DCLK1: variants seen among roughly 807,000 people sequenced by gnomAD.
DCLK1 encodes doublecortin like kinase 1.
A neutral mutation model predicts 86.2 loss-of-function variants in DCLK1; 16 were observed. That is an observed-to-expected ratio of 0.19 (90% confidence interval 0.13 to 0.28). DCLK1 has a LOEUF of 0.28. Among genes scored for constraint, DCLK1 ranks in the 10% least tolerant of loss-of-function variants. The probability of loss-of-function intolerance (pLI) is 1.00; values close to 1 mark genes in which losing one functional copy is unlikely to be tolerated. For missense variants in DCLK1, 590 were observed against 940.2 expected (o/e 0.63, Z 4.87); for synonymous variants, 369 against 370.5 (o/e 1.00, Z 0.05).
chr13:36,016,685 T>A (rs1479984806), intron 3 of DCLK1, among the ~76,000 whole-genome samples: 2 of 152,254 alleles, frequency 1.3e-5, no homozygotes, highest in East Asian at 3.9e-4. Context: ...CCTCGAACAA[T>A]AGAAACATAA....
chr13:35,938,134 A>C (rs1876865979), intron 4 of DCLK1, among the ~76,000 whole-genome samples: 1 of 152,174 alleles, frequency 6.6e-6, no homozygotes, highest in Non-Finnish European at 1.5e-5. Context: ...AGAGAAGATG[A>C]GGAAAGATAT....
chr13:35,888,460 C>T (rs1873429978), intron 4 of DCLK1, among the ~76,000 whole-genome samples: 1 of 152,220 alleles, frequency 6.6e-6, no homozygotes, highest in Non-Finnish European at 1.5e-5. Context: ...TTCCCTTAAA[C>T]CTATTTGAAG....
chr13:35,846,890 G>C (rs1870217662), intron 6 of DCLK1: 1 of 985,138 alleles, frequency 1.0e-6, no homozygotes, highest in African/African-American at 1.7e-5. Flanking sequence ...ACAGTTTAGA[G>C]TTTTGAAAGA....
At chr13:36,041,915 T>C (rs1882714506) in intron 3 of DCLK1, among the ~76,000 whole-genome samples, 2 of 152,208 alleles carry the variant, frequency 1.3e-5, no homozygotes, top group African/African-American at 2.4e-5. Context: ...AAATTCATTC[T>C]CTCAAAAATG....
intron 3 of DCLK1, among the ~76,000 whole-genome samples, chr13:35,999,822 C>T (rs781288200): frequency 1.3e-5 from 2 of 152,144 alleles, no homozygotes; most frequent in African/African-American, 4.8e-5. Flanking sequence ...ATGATGCTTG[C>T]GGTCTGCTGA....
At chr13:35,925,724 T>G (rs780077765) in intron 4 of DCLK1, among the ~76,000 whole-genome samples, 8 of 152,222 alleles carry the variant, frequency 5.3e-5, no homozygotes, top group Non-Finnish European at 8.8e-5. Context: ...GTTGTTTTTA[T>G]TTTTATTCTT....
chr13:36,020,007 C>T (rs900511040), intron 3 of DCLK1, among the ~76,000 whole-genome samples: 4 of 152,108 alleles, frequency 2.6e-5, no homozygotes, highest in African/African-American at 9.7e-5. Flanking sequence ...AGTGAGTTCT[C>T]GTTTTATTAG....
intron 3 of DCLK1, among the ~76,000 whole-genome samples, chr13:35,967,528 T>C (rs890661992): frequency 6.6e-6 from 1 of 152,110 alleles, no homozygotes; most frequent in African/African-American, 2.4e-5. Context: ...AACCTTACCC[T>C]CAACCCCGTG....
chr13:35,774,301 G>T lies in DCLK1; in HGVS notation c.*234C>A, dbSNP rs2086382868. ...TAAGTTTAAAAAAAAATTGCAAATT[G>T]GCCTTAACCCTTTGAGGACTCTATT... On this transcript the variant is annotated 3_prime_UTR_variant, in exon 17 of 17. Coordinates refer to ENST00000360631, the MANE Select transcript of DCLK1 (RefSeq NM_001330071.2). 2.0e-6 allele frequency: 1 copy of T among 493,654 alleles called. No homozygotes were observed. Among genetic ancestry groups the T allele is most frequent in the Non-Finnish European group, 3.5e-6 (1 of 287,218 alleles). The allele number at this position is 493,654 out of a possible 1,614,324, so 30.6% of individuals were successfully genotyped here. A position where few individuals can be genotyped will look rare whatever the true frequency, so the allele number is the denominator to read the frequency against.
At chr13:36,105,812 T>C (rs1247853971) in intron 3 of DCLK1, among the ~76,000 whole-genome samples, 1 of 152,164 alleles carries the variant, frequency 6.6e-6, no homozygotes, top group African/African-American at 2.4e-5. Context: ...AATTTTTTTG[T>C]TTGTTTGTTG....
intron 3 of DCLK1, among the ~76,000 whole-genome samples, chr13:36,022,526 CTT>C (rs1340396270): frequency 6.6e-6 from 1 of 151,240 alleles, no homozygotes; most frequent in African/African-American, 2.4e-5. Flanking sequence ...GAAAAAAAAA[CTT>C]ATTGAGAAAA....
chr13:35,840,165 G>T (rs1262526153), intron 6 of DCLK1, among the ~76,000 whole-genome samples: 2 of 152,002 alleles, frequency 1.3e-5, no homozygotes, highest in Admixed American at 6.6e-5. Flanking sequence ...ATGAAGAGGT[G>T]GCGAGAAGCA....
chr13:36,055,949 T>TA (rs1555359453), intron 3 of DCLK1, among the ~76,000 whole-genome samples: 1 of 152,140 alleles, frequency 6.6e-6, no homozygotes, highest in East Asian at 1.9e-4. Context: ...TGGTTTTGAT[T>TA]AAAAAGTCAG....
At position 35,871,207 on chromosome 13, in the gene DCLK1, C is replaced by A; in HGVS notation, c.940+17G>T. On this transcript the variant is annotated intron_variant, in intron 5 of 16. Coordinates refer to ENST00000360631, the MANE Select transcript of DCLK1 (RefSeq NM_001330071.2). ...AGGAACAAGGCAATTTCTTCAAAAT[C>A]CCCTCTGCTGCTTTACCTGAGCTGG... The A allele has an allele frequency of 6.2e-7, 1 of 1,602,432 alleles. No homozygotes were observed. Among genetic ancestry groups the A allele is most frequent in the Non-Finnish European group, 8.5e-7 (1 of 1,170,298 alleles).
intron 4 of DCLK1, among the ~76,000 whole-genome samples, chr13:35,944,959 T>G (rs1239377179): frequency 6.6e-6 from 1 of 152,172 alleles, no homozygotes; most frequent in African/African-American, 2.4e-5. Context: ...TGGAGTGCAA[T>G]GGTGCGATCT....
intron 4 of DCLK1, among the ~76,000 whole-genome samples, chr13:35,939,229 C>T (rs1042389300): frequency 6.6e-6 from 1 of 152,122 alleles, no homozygotes; most frequent in African/African-American, 2.4e-5. Flanking sequence ...GTATTCGGAA[C>T]ACAAAACAGA....
chr13:35,913,296 GATAAGGAAGATAATGGTAT>G (rs137970323), intron 4 of DCLK1, among the ~76,000 whole-genome samples: 2,157 of 152,300 alleles, frequency 0.014, 22 homozygotes, highest in South Asian at 0.032. Context: ...ATACTTAAAA[GATAAGGAAGATAATGGTAT>G]ATTCTTTCAC....
intron 11 of DCLK1, among the ~76,000 whole-genome samples, chr13:35,819,675 T>A (rs1375118307): frequency 6.6e-6 from 1 of 152,130 alleles, no homozygotes. Flanking sequence ...CAAATCTTTA[T>A]ATTAACTTTA....
chr13:35,960,983 T>C (rs1878427135), intron 3 of DCLK1, among the ~76,000 whole-genome samples: 1 of 152,240 alleles, frequency 6.6e-6, no homozygotes, highest in African/African-American at 2.4e-5. Flanking sequence ...ATGCTTTTGT[T>C]GTTTGGATGA....
Sources: gnomAD v4.1 joint callset for allele counts (sites outside exome capture counted in the v4.1 genomes callset) on GRCh38, gnomAD v4.1.1 for gene constraint, MANE v1.5 for transcripts, NCBI Gene and HGNC (gene_info 2026-07-23, HGNC 2026-07-21) for gene names.